CPEB2: variants seen among roughly 807,000 people sequenced by gnomAD.
The protein encoded by CPEB2 is cytoplasmic polyadenylation element-binding protein 2.
CPEB2 carries 56 observed loss-of-function variants against 93.6 expected under a neutral mutation model. The observed-to-expected ratio is 0.60, with a 90% CI of 0.48 to 0.75. CPEB2 has a LOEUF of 0.75. Among genes scored for constraint, CPEB2 ranks in the 30% least tolerant of loss-of-function variants. CPEB2 has a pLI of 0.00. For missense variants in CPEB2, 1,579 were observed against 1,395.1 expected, an observed-to-expected ratio of 1.13 and a Z score of -2.10; for synonymous variants, 764 against 586.3, an observed-to-expected ratio of 1.30 and a Z score of -4.38.
chr4:15,057,046 A>G (rs1728776691), intron 8 of CPEB2, among the ~76,000 whole-genome samples: 1 of 152,122 alleles, frequency 6.6e-6, no homozygotes, highest in Admixed American at 6.5e-5. Flanking sequence ...TAAAATATTG[A>G]ATTTAATATA....
chr4:15,027,164 C>A (rs1012730038), intron 4 of CPEB2, among the ~76,000 whole-genome samples: 1 of 151,876 alleles, frequency 6.6e-6, no homozygotes, highest in Non-Finnish European at 1.5e-5. Flanking sequence ...TTGGGATTAC[C>A]ATTTTCTTGA....
At chr4:15,023,183 A>G (rs1724990814) in intron 4 of CPEB2, among the ~76,000 whole-genome samples, 1 of 152,086 alleles carries the variant, frequency 6.6e-6, no homozygotes, top group South Asian at 2.1e-4. Flanking sequence ...GATTTGAAAA[A>G]TGTTTATATC....
intron 11 of CPEB2, among the ~76,000 whole-genome samples, chr4:15,065,271 C>G (rs562090059): frequency 1.4e-4 from 21 of 152,076 alleles, no homozygotes; most frequent in Admixed American, 8.5e-4. Flanking sequence ...CTATAGGCAA[C>G]CTTTACTTTA....
At chr4:15,023,294 T>C (rs534233450) in intron 4 of CPEB2, among the ~76,000 whole-genome samples, 1 of 152,186 alleles carries the variant, frequency 6.6e-6, no homozygotes, top group Admixed American at 6.5e-5. Context: ...TTATGCATTT[T>C]AACTACTTAT....
At chr4:15,010,735 C>G (rs1723362693) in intron 3 of CPEB2, among the ~76,000 whole-genome samples, 1 of 152,078 alleles carries the variant, frequency 6.6e-6, no homozygotes, top group Non-Finnish European at 1.5e-5. Flanking sequence ...TTTTTGTTAA[C>G]AAGTACATTA....
Position 15,004,004 on chromosome 4 carries a change from A to C in CPEB2, c.1331A>C (p.Asp444Ala), listed in dbSNP as rs2108936627. Residue 444 changes from aspartate to alanine, a missense_variant, in exon 1 of 12, where the codon GAC becomes GCC. Around this residue, in one of 2 missense-constraint regions of CPEB2, gnomAD observed 1,411 missense variants for 1,056.0 expected, o/e 1.34. Transcript: ENST00000538197. ...SLSAMPPPSP[D>A]SENGFYPGLP... ...AGCGCCATGCCGCCGCCCAGCCCCGACTCAGAGAACGGCTTCTACCCCGGG... is the reference window on the plus strand; with the variant it reads ...AGCGCCATGCCGCCGCCCAGCCCCGCCTCAGAGAACGGCTTCTACCCCGGG... 1.3e-6 allele frequency: 2 copies of C among 1,545,132 alleles called. No individual in the cohort carries two copies. The highest frequency in any genetic ancestry group is 1.7e-6 in the Non-Finnish European group (2 of 1,148,932).
intron 3 of CPEB2, among the ~76,000 whole-genome samples, chr4:15,014,518 G>A (rs1723864169): frequency 1.3e-5 from 2 of 151,892 alleles, no homozygotes; most frequent in Admixed American, 1.3e-4. Context: ...TGGAAATTCA[G>A]GTTCATAGCA....
At chr4:15,032,878 A>G (rs1380200250) in intron 4 of CPEB2, among the ~76,000 whole-genome samples, 1 of 152,182 alleles carries the variant, frequency 6.6e-6, no homozygotes, top group East Asian at 1.9e-4. Context: ...TTGTTTTTAC[A>G]TTCCAAAAAT....
At chr4:15,041,959 A>AGCTTTTAAG (rs1277695576) in intron 6 of CPEB2, among the ~76,000 whole-genome samples, 1 of 152,206 alleles carries the variant, frequency 6.6e-6, no homozygotes, top group African/African-American at 2.4e-5. Flanking sequence ...GACTTAAAAA[A>AGCTTTTAAG]TTGAAGCTGA....
At chr4:15,044,763 G>A (rs1262328255) in intron 6 of CPEB2, among the ~76,000 whole-genome samples, 1 of 152,012 alleles carries the variant, frequency 6.6e-6, no homozygotes, top group East Asian at 1.9e-4. Context: ...CATTAGCATA[G>A]CGCCCAGTGT....
intron 3 of CPEB2, among the ~76,000 whole-genome samples, chr4:15,009,065 C>G (rs1189350307): frequency 6.6e-6 from 1 of 152,142 alleles, no homozygotes; most frequent in Non-Finnish European, 1.5e-5. Context: ...TATCTTTCTT[C>G]CTGCAAACTG....
chr4:15,017,799 T>TA (rs1452677076), intron 4 of CPEB2: 1 of 151,850 alleles, frequency 6.6e-6, no homozygotes, highest in African/African-American at 2.4e-5. Flanking sequence ...CCGGCCCACT[T>TA]ACCCTATAGT....
At chr4:15,029,043 C>A (rs1392016584) in intron 4 of CPEB2, among the ~76,000 whole-genome samples, 1 of 152,002 alleles carries the variant, frequency 6.6e-6, no homozygotes, top group East Asian at 1.9e-4. Flanking sequence ...CGGCAATGCT[C>A]AAGTCCCTTA....
rs770957035 is a variant in CPEB2 at position 15,003,747 on chromosome 4, C to T, written c.1074C>T (p.Gly358=). The T allele has an allele frequency of 1.2e-5, 13 of 1,103,326 alleles. No homozygotes were observed. In the South Asian group the frequency reaches 1.3e-4, roughly 11 times the overall value. The allele number at this position is 1,103,326 out of a possible 1,614,324, so 68.3% of individuals were successfully genotyped here. Residue 358 remains glycine (G), a synonymous_variant, in exon 1 of 12, where the codon GGC becomes GGT. Transcript: ENST00000538197. ...CGGGCGGCGGCGGCGGCGGCGGGGG[C>T]GGGGGGCCCCCAGGAGGCGGAGGGG... ...PHPGGGGGGG[G]GGPPGGGGGG... is the part of the protein sequence containing the mutation.
chr4:15,067,926 A>G lies in CPEB2; in HGVS notation c.*1546A>G, dbSNP rs1252147302. 1 of 152,346 alleles carries G rather than the reference A, an allele frequency of 6.6e-6. No homozygotes were observed. Among genetic ancestry groups the G allele is most frequent in the African/African-American group, 2.4e-5 (1 of 41,408 alleles). The allele number at this position is 152,346 out of a possible 1,614,324, so 9.4% of individuals were successfully genotyped here. A position where few individuals can be genotyped will look rare whatever the true frequency, so the allele number is the denominator to read the frequency against. On this transcript the variant is annotated 3_prime_UTR_variant, in exon 12 of 12. Transcript: ENST00000538197. ...TTTTGGGGTGTTTTGAGAAAGTGGCATGGAAACATGCAGTAGTTAATGAGT... is the reference window on the plus strand; with the variant it reads ...TTTTGGGGTGTTTTGAGAAAGTGGCGTGGAAACATGCAGTAGTTAATGAGT...
At chr4:15,052,187 TTTAA>T (rs1370392597) in intron 6 of CPEB2, among the ~76,000 whole-genome samples, 1 of 152,056 alleles carries the variant, frequency 6.6e-6, no homozygotes, top group Admixed American at 6.6e-5. Context: ...TCTTTTGCAG[TTTAA>T]TTGTTGACAT....
intron 3 of CPEB2, among the ~76,000 whole-genome samples, chr4:15,012,280 A>G (rs1723594371): frequency 6.6e-6 from 1 of 152,182 alleles, no homozygotes; most frequent in South Asian, 2.1e-4. Flanking sequence ...TGTTCTTGAA[A>G]TGTTTTCCAC....
chr4:15,005,514 T>C (rs1447517229), intron 1 of CPEB2, among the ~76,000 whole-genome samples: 1 of 152,204 alleles, frequency 6.6e-6, no homozygotes, highest in Non-Finnish European at 1.5e-5. Flanking sequence ...AAAGAGTGTC[T>C]TGTTGGTTTT....
At chr4:15,063,363 G>T (rs1729385448) in intron 11 of CPEB2, among the ~76,000 whole-genome samples, 1 of 137,422 alleles carries the variant, frequency 7.3e-6, no homozygotes, top group Admixed American at 6.8e-5. Context: ...TACTTAAAAG[G>T]TTGCCAAAAA....
Sources: gnomAD v4.1 joint callset for allele counts (sites outside exome capture counted in the v4.1 genomes callset) on GRCh38, gnomAD v4.1.1 for gene constraint, gnomAD v4.1.1 regional missense constraint, MANE v1.5 for transcripts, NCBI Gene and HGNC (gene_info 2026-07-23, HGNC 2026-07-21) for gene names.